Variants in RBFOX1 observed in about 807,000 individuals in gnomAD.
RBFOX1 encodes the protein RNA binding fox-1 homolog 1.
In RBFOX1, 8 loss-of-function variants were observed where a neutral mutation model predicts 57.7. The ratio of observed to expected loss-of-function variants is 0.14; its 90% confidence interval spans 0.08 to 0.25. RBFOX1 has a LOEUF of 0.25. RBFOX1 is among the 10% of genes least tolerant of loss of function. The pLI, the probability that RBFOX1 is intolerant of heterozygous loss-of-function variation, is 1.00. For missense variants in RBFOX1, 611 were observed against 548.5 expected (o/e 1.11, Z -1.14); for synonymous variants, 326 against 222.4 (o/e 1.47, Z -4.15).
intron 3 of RBFOX1, among the ~76,000 whole-genome samples, chr16:5,680,750 T>C (rs1354063596): frequency 1.3e-5 from 2 of 152,184 alleles, no homozygotes; most frequent in African/African-American, 2.4e-5. Context: ...CGGGTGAAGC[T>C]GCCTATGATA....
rs558079554 is a variant in RBFOX1, at chr16:7,441,788, C to G, written c.28-76359C>G. Among the ~76,000 whole-genome samples, 5 of 152,298 alleles carry G rather than the reference C, an allele frequency of 3.3e-5. No individual in the cohort carries two copies. The East Asian group carries it at 9.7e-4, about 29-fold the overall frequency. On this transcript the variant is annotated intron_variant, in intron 4 of 15. Transcript: ENST00000550418. Reference sequence around the variant, plus strand: ...AGTGTGGAGATGAGCTTTCCACTCCCAGGTCAACACAGACCCTCTTACTCA... The same window carrying G: ...AGTGTGGAGATGAGCTTTCCACTCCGAGGTCAACACAGACCCTCTTACTCA...
chr16:6,104,655 T>C lies in RBFOX1; in HGVS notation c.-127+84663T>C, dbSNP rs2152563265. Among the ~76,000 whole-genome samples, 2 of 152,260 alleles carry C rather than the reference T, an allele frequency of 1.3e-5. 1 individual carries two copies. The highest frequency in any genetic ancestry group is 4.1e-4 in the South Asian group (2 of 4,826). On this transcript the variant is annotated intron_variant, in intron 1 of 15. Coordinates refer to ENST00000550418, the MANE Select transcript of RBFOX1 (RefSeq NM_018723.4). Reference sequence around the variant, plus strand: ...CAAAATAGCCCAGAAGTGTAAGCAGTCAAAATGTCCATCAACTGGTGAGTC... The same window carrying C: ...CAAAATAGCCCAGAAGTGTAAGCAGCCAAAATGTCCATCAACTGGTGAGTC...
intron 4 of RBFOX1, among the ~76,000 whole-genome samples, chr16:7,376,970 T>G (rs1452296280): frequency 6.6e-6 from 1 of 152,180 alleles, no homozygotes. Context: ...TATCCTTGTA[T>G]GTCCCTAAGT....
Position 5,991,725 on chromosome 16 carries a change from C to T in RBFOX1, c.351+124390C>T, listed in dbSNP as rs7197229. Among the ~76,000 whole-genome samples, 1,028 of 149,510 alleles carry T rather than the reference C, an allele frequency of 6.9e-3. 12 individuals are homozygous for T. The highest frequency in any genetic ancestry group is 0.024 in the African/African-American group (967 of 40,498). On this transcript the variant is annotated intron_variant, in intron 4 of 19. Transcript: ENST00000641259. Reference sequence around the variant, plus strand: ...AGTTTGCTCTGTGAGTTGAGCCTGCCTTAGGAGCTAAACAGACCCGGGAAA... The same window carrying T: ...AGTTTGCTCTGTGAGTTGAGCCTGCTTTAGGAGCTAAACAGACCCGGGAAA...
intron 3 of RBFOX1, among the ~76,000 whole-genome samples, chr16:6,990,341 A>G (rs967278551): frequency 6.6e-6 from 1 of 152,114 alleles, no homozygotes. Flanking sequence ...CCTGGCCAAC[A>G]TGGTGAAACC....
intron 2 of RBFOX1, among the ~76,000 whole-genome samples, chr16:6,565,399 A>G (rs2097249864): frequency 6.6e-6 from 1 of 152,086 alleles, no homozygotes; most frequent in Admixed American, 6.5e-5. Flanking sequence ...CTGGAACTAC[A>G]GGCGCCCGCC....
intron 1 of RBFOX1, among the ~76,000 whole-genome samples, chr16:5,424,278 G>T (rs1318361252): frequency 6.6e-6 from 1 of 152,324 alleles, no homozygotes; most frequent in East Asian, 1.9e-4. Flanking sequence ...TCAAAATCGT[G>T]TTTATTATAA....
chr16:5,324,996 G>A (rs753183060), intron 1 of RBFOX1, among the ~76,000 whole-genome samples: 7 of 152,198 alleles, frequency 4.6e-5, no homozygotes, highest in Non-Finnish European at 8.8e-5. Flanking sequence ...GCAAGATACA[G>A]TATTTGGGTG....
At chr16:7,672,277 A>T (rs937218416) in intron 13 of RBFOX1, among the ~76,000 whole-genome samples, 2 of 152,220 alleles carry the variant, frequency 1.3e-5, no homozygotes, top group African/African-American at 2.4e-5. Context: ...AATTTGGTCT[A>T]TTACCCACAT....
intron 2 of RBFOX1, among the ~76,000 whole-genome samples, chr16:5,471,867 G>A (rs1384413992): frequency 1.3e-5 from 2 of 152,206 alleles, no homozygotes; most frequent in Admixed American, 6.5e-5. Flanking sequence ...TATTATCCTT[G>A]AAGGGGGTGT....
In RBFOX1 at chr16:6,712,883, GTTTTTTTTTT is replaced by G. The variant is rs61328266; in HGVS notation, c.-16+58249_-16+58258del. On this transcript the variant is annotated intron_variant, in intron 3 of 15. Transcript: ENST00000550418. ...TGGGAGGTAATTGAATCATGGGGGT[GTTTTTTTTTT>G]TTTTTTTTTTTTTTTCCTGTGCTGT... Among the ~76,000 whole-genome samples, 5 of 83,026 alleles carry G rather than the reference GTTTTTTTTTT, an allele frequency of 6.0e-5. No individual in the cohort carries two copies. The South Asian group carries it at 1.8e-3, about 31-fold the overall frequency. 54.5% of individuals were successfully genotyped at this position (83,026 alleles called of 152,430 possible). A position where few individuals can be genotyped will look rare whatever the true frequency, so the allele number is the denominator to read the frequency against.
chr16:6,001,367 C>A (rs9938158), intron 4 of RBFOX1, among the ~76,000 whole-genome samples: 2 of 151,972 alleles, frequency 1.3e-5, no homozygotes, highest in Non-Finnish European at 2.9e-5. Flanking sequence ...GTAAAGAAAC[C>A]ACCAATGGTG....
chr16:6,914,642 G>T (rs1041510948), intron 3 of RBFOX1, among the ~76,000 whole-genome samples: 6 of 152,100 alleles, frequency 3.9e-5, no homozygotes, highest in African/African-American at 1.4e-4. Context: ...GGGAGGCTGA[G>T]GCAGGAGGAT....
At chr16:6,038,594 T>C (rs71392455) in intron 1 of RBFOX1, 156 of 145,888 alleles carry the variant, frequency 1.1e-3, no homozygotes, top group Non-Finnish European at 1.4e-3. Flanking sequence ...ATAAAATCCA[T>C]ATATATATAT....
At chr16:5,735,226 G>A (rs1302865571) in intron 3 of RBFOX1, among the ~76,000 whole-genome samples, 1 of 152,102 alleles carries the variant, frequency 6.6e-6, no homozygotes, top group African/African-American at 2.4e-5. Context: ...TGAAGGAAGG[G>A]GTCAGGACCC....
At chr16:5,285,994 A>G (rs1248707106) in intron 1 of RBFOX1, among the ~76,000 whole-genome samples, 2 of 151,814 alleles carry the variant, frequency 1.3e-5, no homozygotes, top group African/African-American at 4.8e-5. Context: ...CTGGTCTCGA[A>G]CTCCTCACCT....
At chr16:6,997,447 G>A (rs1042602433) in intron 3 of RBFOX1, among the ~76,000 whole-genome samples, 4 of 152,106 alleles carry the variant, frequency 2.6e-5, no homozygotes, top group African/African-American at 9.7e-5. Context: ...ATATCCACGA[G>A]CATTGCACCA....
intron 3 of RBFOX1, among the ~76,000 whole-genome samples, chr16:6,955,607 C>T (rs549776716): frequency 1.6e-4 from 24 of 151,490 alleles, no homozygotes; most frequent in African/African-American, 5.6e-4. Flanking sequence ...ATTGTATTGC[C>T]CATGTGACAG....
chr16:6,779,081 A>G (rs764260626), intron 3 of RBFOX1, among the ~76,000 whole-genome samples: 7 of 152,066 alleles, frequency 4.6e-5, no homozygotes, highest in East Asian at 1.9e-4. Context: ...TAGTTGTCCT[A>G]TTGTGCTAGT....
Sources: allele counts gnomAD v4.1 joint callset (sites outside exome capture counted in the v4.1 genomes callset), GRCh38; gene constraint gnomAD v4.1.1; transcripts MANE v1.5; gene names NCBI Gene and HGNC (gene_info 2026-07-23, HGNC 2026-07-21).